DDX49: variants seen among roughly 807,000 people sequenced by gnomAD.
DDX49 encodes the protein DEAD-box helicase 49, also known as probable ATP-dependent RNA helicase DDX49.
DDX49 carries 50 observed loss-of-function variants against 56.3 expected under a neutral mutation model. The ratio of observed to expected loss-of-function variants is 0.89; its 90% CI spans 0.71 to 1.12. The LOEUF is 1.12. Ranked by LOEUF, DDX49 falls within the 50% of genes most tolerant of loss-of-function variation. The pLI, the probability that DDX49 is intolerant of heterozygous loss-of-function variation, is 0.00. For missense variants in DDX49, 614 were observed against 650.5 expected (o/e 0.94, Z 0.61); for synonymous variants, 269 against 270.6 (o/e 0.99, Z 0.06).
Position 18,921,981 on chromosome 19 carries a change from C to G in DDX49, c.447+17C>G. ...CGCTTCCTGGTGAGTTCGCCCCGCC[C>G]CTGCAGACCTCAGGAGCTGGGCTCG... is the stretch of plus-strand genomic sequence containing the variant. On this transcript the variant is annotated intron_variant, in intron 4 of 12. Coordinates refer to ENST00000247003, the MANE Select transcript of DDX49 (RefSeq NM_019070.5). The G allele has an allele frequency of 6.3e-7, 1 of 1,596,218 alleles. No homozygotes were observed. The highest frequency in any genetic ancestry group is 8.6e-7 in the Non-Finnish European group (1 of 1,168,984).
At chr19:18,920,304 G>A (rs2056903848) in intron 1 of DDX49, among the ~76,000 whole-genome samples, 1 of 152,182 alleles carries the variant, frequency 6.6e-6, no homozygotes, top group Non-Finnish European at 1.5e-5. Context: ...CCCACAGGAA[G>A]CCTAAGATGT....
chr19:18,920,436 G>A, intron 1 of DDX49, 144 bp from the exon 2 acceptor site: 2 of 760,296 alleles, frequency 2.6e-6, no homozygotes, highest in South Asian at 4.6e-5. Flanking sequence ...GAACGAGGTG[G>A]TAGGAAGCTG....
intron 9 of DDX49, chr19:18,925,239 G>A (rs959855022): frequency 5.2e-6 from 2 of 383,720 alleles, no homozygotes; most frequent in East Asian, 3.8e-5. Context: ...GGCAAAAAGA[G>A]CAAAACTCTG....
intron 2 of DDX49, 44 bp from the exon 3 acceptor site, chr19:18,921,619 C>A: frequency 6.3e-7 from 1 of 1,582,720 alleles, no homozygotes; most frequent in South Asian, 1.1e-5. Context: ...GGGGGCAGGT[C>A]CAGAACCACT....
intron 2 of DDX49, among the ~76,000 whole-genome samples, chr19:18,921,194 G>A (rs1449603682): frequency 3.3e-5 from 5 of 152,034 alleles, no homozygotes; most frequent in Admixed American, 2.0e-4. Context: ...AGGGTACTGG[G>A]ACCTGGGCAT....
chr19:18,924,876 C>T lies in DDX49; in HGVS notation c.930-6C>T. ...AGTGGAGCTGACCAGCCACCTCTGC[C>T]TCCAGGGGCCTGGACATCCCTACGG... On this transcript the variant is annotated splice_polypyrimidine_tract_variant and splice_region_variant and intron_variant, in intron 8 of 12. Coordinates refer to ENST00000247003, the MANE Select transcript of DDX49 (RefSeq NM_019070.5). 6.2e-7 allele frequency: 1 copy of T among 1,612,880 alleles called. No individual in the cohort carries two copies. The highest frequency in any genetic ancestry group is 2.2e-5 in the East Asian group (1 of 44,880).
Position 18,922,566 on chromosome 19 carries a change from G to A in DDX49, c.636-38G>A, listed in dbSNP as rs753193157. Reference sequence around the variant, plus strand: ...GAGGGCAGCCCCATCCTACAGACAGGGACACTGAGGCGTGGCGGTCTATCT... The same window carrying A: ...GAGGGCAGCCCCATCCTACAGACAGAGACACTGAGGCGTGGCGGTCTATCT... On this transcript the variant is annotated intron_variant, in intron 5 of 12. Coordinates refer to ENST00000247003, the MANE Select transcript of DDX49 (RefSeq NM_019070.5). The A allele has an allele frequency of 3.7e-6, 6 of 1,600,530 alleles. No homozygotes were observed. In the South Asian group the frequency reaches 6.6e-5, roughly 18 times the overall value.
chr19:18,919,975 G>A (rs549178182), intron 1 of DDX49, 119 bp downstream of exon 1: 1 of 695,526 alleles, frequency 1.4e-6, no homozygotes, highest in South Asian at 2.1e-5. Flanking sequence ...GGGCGTTACA[G>A]GAGATCCGGG....
At chr19:18,924,782 G>A (rs1357943327) in intron 8 of DDX49, 83 bp downstream of exon 8, 2 of 1,613,058 alleles carry the variant, frequency 1.2e-6, no homozygotes, top group Admixed American at 1.7e-5. Context: ...CCTCAGGCAT[G>A]TCAGGCAGCC....
At position 18,919,796 on chromosome 19, in the gene DDX49, C is replaced by T. The variant is rs755452873; in HGVS notation, c.55C>T (p.Gln19Ter). The change falls in exon 1 of 13, where the codon CAG (glutamine) becomes TAG (stop). Residue 19 changes from glutamine (Q) to a stop codon, truncating the protein, a stop_gained. Coordinates refer to ENST00000247003, the MANE Select transcript of DDX49 (RefSeq NM_019070.5). LOFTEE classifies it high-confidence loss of function. The stretch of plus-strand genomic sequence containing the variant: ...ATCGTGGCTCGTGGAACAATGTCGG[C>T]AGCTGGGTTTGAAGCAGCCCACGCC... ...LSSWLVEQCR[Q>*]LGLKQPTPVQ... 6.2e-7 allele frequency: 1 copy of T among 1,612,828 alleles called. No individual in the cohort carries two copies. The highest frequency in any genetic ancestry group is 2.2e-5 in the East Asian group (1 of 44,854).
chr19:18,926,728 C>A (rs1162025478), intron 10 of DDX49, among the ~76,000 whole-genome samples: 1 of 152,196 alleles, frequency 6.6e-6, no homozygotes, highest in Non-Finnish European at 1.5e-5. Context: ...AAGACAGAGA[C>A]ACTTCCTAAG....
At chr19:18,924,527 C>A in intron 7 of DDX49, 96 bp from the exon 8 acceptor site, 2 of 1,385,048 alleles carry the variant, frequency 1.4e-6, no homozygotes, top group Non-Finnish European at 2.0e-6. Context: ...CCTCAATGGA[C>A]GGCTGGGGAC....
chr19:18,926,438 T>A, intron 10 of DDX49, 61 bp downstream of exon 10: 1 of 1,101,076 alleles, frequency 9.1e-7, no homozygotes, highest in Non-Finnish European at 1.3e-6. Context: ...GGTGGGCACC[T>A]CGGGGTGAGA....
At chr19:18,920,918 A>C (rs1368971611) in intron 2 of DDX49, 1 of 358,906 alleles carries the variant, frequency 2.8e-6, no homozygotes. Context: ...AGGTGAGCGG[A>C]TCACTTGAGG....
intron 2 of DDX49, among the ~76,000 whole-genome samples, chr19:18,921,394 G>A (rs1568328059): frequency 1.3e-5 from 2 of 152,194 alleles, no homozygotes; most frequent in Non-Finnish European, 2.9e-5. Context: ...TTGCTGAAAG[G>A]CGAACTGGGG....
At chr19:18,927,070 CAAAAAA>C (rs35034273) in intron 10 of DDX49, among the ~76,000 whole-genome samples, 8 of 74,782 alleles carry the variant, frequency 1.1e-4, no homozygotes, top group Admixed American at 1.5e-4. Context: ...GACTCTGTCT[CAAAAAA>C]AAAAAAAAAA....
rs1408331602 is a variant in DDX49 at position 18,919,817 on chromosome 19, A to G, written c.76A>G (p.Thr26Ala). 4.4e-6 allele frequency: 7 copies of G among 1,608,312 alleles called. No homozygotes were observed. Among genetic ancestry groups the G allele is most frequent in the South Asian group, 2.2e-5 (2 of 91,010 alleles). ...TCGGCAGCTGGGTTTGAAGCAGCCC[A>G]CGCCCGTGCAGCTCGGCTGCATCCC... Reference protein sequence around the residue: ...QCRQLGLKQPTPVQLGCIPAI... With the variant: ...QCRQLGLKQPAPVQLGCIPAI... The change falls in exon 1 of 13, where the codon ACG becomes GCG. Residue 26 changes from threonine to alanine, a missense_variant. Thr to Ala is a moderately conservative substitution (Grantham distance 58). Transcript: ENST00000247003.
rs768142052 is a variant in DDX49 at position 18,921,645 on chromosome 19, G to A, written c.240-18G>A. ...CAGAACCACTACCTGACCCAGCCTG[G>A]CCCCTTCACACCCACAGGGAGCTGG... On this transcript the variant is annotated intron_variant, in intron 2 of 12. Coordinates refer to ENST00000247003, the MANE Select transcript of DDX49 (RefSeq NM_019070.5). 6.2e-7 allele frequency: 1 copy of A among 1,613,166 alleles called. No individual in the cohort carries two copies.
chr19:18,928,356 G>A lies in DDX49; in HGVS notation c.*40G>A. Reference sequence around the variant, plus strand: ...TCTGCCCAGTCCTTGACTCGTCCATGGAGCTGAGGGTCGGAGGAACCTTCC... The same window carrying A: ...TCTGCCCAGTCCTTGACTCGTCCATAGAGCTGAGGGTCGGAGGAACCTTCC... On this transcript the variant is annotated 3_prime_UTR_variant, in exon 13 of 13. Coordinates refer to ENST00000247003, the MANE Select transcript of DDX49 (RefSeq NM_019070.5). 6.8e-7 allele frequency: 1 copy of A among 1,461,884 alleles called. No individual in the cohort carries two copies. The highest frequency in any genetic ancestry group is 9.0e-7 in the Non-Finnish European group (1 of 1,107,094). 90.6% of individuals were successfully genotyped at this position (1,461,884 alleles called of 1,614,324 possible). A position where few individuals can be genotyped will look rare whatever the true frequency, so the allele number is the denominator to read the frequency against.
Sources: gnomAD v4.1 joint callset for allele counts (sites outside exome capture counted in the v4.1 genomes callset) on GRCh38, gnomAD v4.1.1 for gene constraint, MANE v1.5 for transcripts, NCBI Gene and HGNC (gene_info 2026-07-23, HGNC 2026-07-21) for gene names.